Variants in UGT1A7 observed in about 807,000 individuals in gnomAD.
UGT1A7 encodes the protein UDP-glucuronosyltransferase 1A7.
A neutral mutation model predicts 45.6 loss-of-function variants in UGT1A7; 33 were observed. The observed-to-expected ratio is 0.72, with a 90% CI of 0.55 to 0.97. The LOEUF (loss-of-function observed/expected upper bound fraction) is 0.97, where lower values mean the gene tolerates loss of function less well. Ranked by LOEUF, UGT1A7 falls within the 50% of genes least tolerant of loss-of-function variation. The pLI is 0.00. For missense variants in UGT1A7, 684 were observed against 666.2 expected (o/e 1.03, Z -0.29); for synonymous variants, 274 against 250.6 (o/e 1.09, Z -0.88).
chr2:233,742,574 G>A lies in UGT1A7; in HGVS notation c.856-24460G>A, dbSNP rs544718368. On this transcript the variant is annotated intron_variant, in intron 1 of 4. Coordinates refer to ENST00000373426, the MANE Select transcript of UGT1A7 (RefSeq NM_019077.3). ...TAGGGGCCAGCTTCTGGCCGGAATT[G>A]GGGGCTTATCCCCAGCAACCTACCA... Among the ~76,000 whole-genome samples the A allele has an allele frequency of 5.3e-5, 8 of 151,892 alleles. No homozygotes were observed. In the South Asian group the frequency reaches 1.7e-3, roughly 31 times the overall value.
At chr2:233,771,009 A>G (rs1251253785) in intron 4 of UGT1A7, 3 of 152,198 alleles carry the variant, frequency 2.0e-5, no homozygotes, top group Non-Finnish European at 4.4e-5. Flanking sequence ...TGGCAAAAGC[A>G]GGAGCGAGAG....
intron 1 of UGT1A7, among the ~76,000 whole-genome samples, chr2:233,683,905 G>A (rs185079883): frequency 6.6e-5 from 10 of 152,082 alleles, no homozygotes; most frequent in African/African-American, 1.4e-4. Flanking sequence ...TTATTTTGGC[G>A]GAGCATATAG....
chr2:233,688,543 A>G (rs1256086932), intron 1 of UGT1A7, among the ~76,000 whole-genome samples: 1 of 152,132 alleles, frequency 6.6e-6, no homozygotes, highest in Admixed American at 6.5e-5. Context: ...CTTACATCAC[A>G]TGGTCTCTAA....
intron 1 of UGT1A7, chr2:233,692,880 A>G: frequency 6.7e-7 from 1 of 1,501,604 alleles, no homozygotes; most frequent in Non-Finnish European, 8.8e-7. Flanking sequence ...GGTAAAATTC[A>G]GAGCAAGGGA....
rs78082792 is a variant in UGT1A7, at chr2:233,692,722, A to G, written c.855+9930A>G. On this transcript the variant is annotated intron_variant, in intron 1 of 4. Transcript: ENST00000373426. Reference sequence around the variant, plus strand: ...TCCAAGTCATCTTCAAAGTGTTGCTATAACTTTTCAGAGAGGGAGAAGCAG... The same window carrying G: ...TCCAAGTCATCTTCAAAGTGTTGCTGTAACTTTTCAGAGAGGGAGAAGCAG... The G allele has an allele frequency of 1.9e-4, 158 of 845,282 alleles. No homozygotes were observed. The East Asian group carries it at 6.8e-3, about 36-fold the overall frequency. 52.4% of individuals were successfully genotyped at this position (845,282 alleles called of 1,614,324 possible).
Position 233,757,121 on chromosome 2 carries a change from A to G in UGT1A7, c.856-9913A>G, listed in dbSNP as rs559239929. 1.1e-4 allele frequency among the ~76,000 whole-genome samples: 17 copies of G among 151,382 alleles called. No homozygotes were observed. The South Asian group carries it at 3.4e-3, about 30-fold the overall frequency. ...GAGGGGGCAAGCAGAAGGGCTAGAG[A>G]GGAGGAATGAGCTTGGACAGGTGGG... On this transcript the variant is annotated intron_variant, in intron 1 of 4. Coordinates refer to ENST00000373426, the MANE Select transcript of UGT1A7 (RefSeq NM_019077.3).
chr2:233,722,845 C>CT (rs61550889), intron 1 of UGT1A7, among the ~76,000 whole-genome samples: 61,845 of 135,260 alleles, frequency 0.46, 16,439 homozygotes, highest in African/African-American at 0.64. Context: ...AAGAATGTTT[C>CT]TTTTTTTTTT....
rs45619032 is a variant in UGT1A7, at chr2:233,765,042, C to T, written c.856-1992C>T. ...GGCAGGAGTCCTGCTGTGCAAATTG[C>T]GTTTGCTGAGCCCTGTCAGAGGTCT... On this transcript the variant is annotated intron_variant, in intron 1 of 4. Transcript: ENST00000373426. 6.1e-3 allele frequency among the ~76,000 whole-genome samples: 921 copies of T among 152,078 alleles called. 13 individuals carry two copies. Among genetic ancestry groups the T allele is most frequent in the African/African-American group, 0.021 (865 of 41,462 alleles).
chr2:233,730,856 C>T (rs1409792373), intron 1 of UGT1A7, among the ~76,000 whole-genome samples: 1 of 152,142 alleles, frequency 6.6e-6, no homozygotes, highest in Non-Finnish European at 1.5e-5. Flanking sequence ...TCACCAAACC[C>T]ACCCTACTGC....
At chr2:233,693,042 C>G (rs1189353497) in intron 1 of UGT1A7, 1 of 1,614,012 alleles carries the variant, frequency 6.2e-7, no homozygotes, top group Non-Finnish European at 8.5e-7. Flanking sequence ...AGAATTTCTG[C>G]AGGGGTTTTC....
At chr2:233,701,716 A>G (rs1379705322) in intron 1 of UGT1A7, among the ~76,000 whole-genome samples, 3 of 152,238 alleles carry the variant, frequency 2.0e-5, no homozygotes, top group Admixed American at 2.0e-4. Context: ...AACTACATGG[A>G]AACTGAACAA....
intron 1 of UGT1A7, among the ~76,000 whole-genome samples, chr2:233,736,744 G>A (rs1355723073): frequency 6.6e-6 from 1 of 152,214 alleles, no homozygotes; most frequent in Non-Finnish European, 1.5e-5. Context: ...GTTCCTTTCT[G>A]TTTGTTAGTT....
rs542562674 is a variant in UGT1A7, at chr2:233,763,721, C to G, written c.856-3313C>G. 2.0e-5 allele frequency among the ~76,000 whole-genome samples: 3 copies of G among 152,262 alleles called. No homozygotes were observed. The South Asian group carries it at 6.2e-4, about 32-fold the overall frequency. On this transcript the variant is annotated intron_variant, in intron 1 of 4. Coordinates refer to ENST00000373426, the MANE Select transcript of UGT1A7 (RefSeq NM_019077.3). Reference sequence around the variant, plus strand: ...TGCACAAAGAAGTCCATAGAGAAAGCACAACCTGGCATTGGCGTGTCTTTG... The same window carrying G: ...TGCACAAAGAAGTCCATAGAGAAAGGACAACCTGGCATTGGCGTGTCTTTG...
At chr2:233,688,020 C>A (rs764299629) in intron 1 of UGT1A7, among the ~76,000 whole-genome samples, 1 of 152,224 alleles carries the variant, frequency 6.6e-6, no homozygotes, top group East Asian at 1.9e-4. Context: ...AATCAACCAT[C>A]ACCAATATCT....
At chr2:233,751,299 A>G (rs528984436) in intron 1 of UGT1A7, among the ~76,000 whole-genome samples, 1 of 152,078 alleles carries the variant, frequency 6.6e-6, no homozygotes, top group South Asian at 2.1e-4. Context: ...TGGAATGGGA[A>G]TATTTACCCA....
At chr2:233,695,417 C>T (rs552700475) in intron 1 of UGT1A7, among the ~76,000 whole-genome samples, 1 of 142,156 alleles carries the variant, frequency 7.0e-6, no homozygotes, top group Admixed American at 6.8e-5. Flanking sequence ...AGCTACCGCG[C>T]CCGGCCTTCT....
chr2:233,759,167 C>T (rs1180599090), intron 1 of UGT1A7, among the ~76,000 whole-genome samples: 1 of 152,178 alleles, frequency 6.6e-6, no homozygotes, highest in African/African-American at 2.4e-5. Flanking sequence ...ACAAGGCAGG[C>T]AGGTTTCACG....
chr2:233,746,292 T>G (rs1467631519), intron 1 of UGT1A7, among the ~76,000 whole-genome samples: 3 of 151,662 alleles, frequency 2.0e-5, no homozygotes, highest in Non-Finnish European at 4.4e-5. Flanking sequence ...GAAGGTGGCT[T>G]TGTTTCCCTT....
intron 1 of UGT1A7, chr2:233,692,877 T>C: frequency 6.7e-7 from 1 of 1,497,084 alleles, no homozygotes; most frequent in Non-Finnish European, 8.9e-7. Context: ...AAGGGTAAAA[T>C]TCAGAGCAAG....
Sources: gnomAD v4.1 joint callset for allele counts (sites outside exome capture counted in the v4.1 genomes callset) on GRCh38, gnomAD v4.1.1 for gene constraint, MANE v1.5 for transcripts, NCBI Gene and HGNC (gene_info 2026-07-23, HGNC 2026-07-21) for gene names.